Variants in PRIM2 observed in about 807,000 individuals in gnomAD.
PRIM2 encodes the protein DNA primase subunit 2.
A neutral mutation model predicts 67.3 loss-of-function variants in PRIM2; 39 were observed. That is an observed-to-expected ratio of 0.58 (90% confidence interval 0.45 to 0.76). PRIM2 has a LOEUF of 0.76. Ranked by LOEUF, PRIM2 falls within the 30% of genes least tolerant of loss-of-function variation. The pLI, the probability that PRIM2 is intolerant of heterozygous loss-of-function variation, is 0.00. For missense variants in PRIM2, 398 were observed against 598.7 expected (o/e 0.66, Z 3.50); for synonymous variants, 143 against 198.7 (o/e 0.72, Z 2.36).
intron 5 of PRIM2, among the ~76,000 whole-genome samples, chr6:57,358,030 T>A (rs1769090775): frequency 6.6e-6 from 1 of 152,216 alleles, no homozygotes; most frequent in South Asian, 2.1e-4. Flanking sequence ...AGGTACTTAA[T>A]GTATGTTGGT....
intron 10 of PRIM2, among the ~76,000 whole-genome samples, chr6:57,574,973 C>G (rs1266910073): frequency 3.3e-5 from 5 of 152,076 alleles, no homozygotes; most frequent in African/African-American, 9.7e-5. Flanking sequence ...TAGAACTTAA[C>G]AAAATAGACA....
At chr6:57,453,956 A>G (rs746338763) in intron 7 of PRIM2, among the ~76,000 whole-genome samples, 1 of 152,140 alleles carries the variant, frequency 6.6e-6, no homozygotes, top group Non-Finnish European at 1.5e-5. Flanking sequence ...TTTGAGATAC[A>G]TCCCATCAGT....
intron 13 of PRIM2, among the ~76,000 whole-genome samples, chr6:57,640,098 C>T (rs1237571370): frequency 1.4e-4 from 21 of 152,138 alleles, no homozygotes; most frequent in Admixed American, 5.2e-4. Flanking sequence ...AATCAATAAA[C>T]ATAATCCAGT....
chr6:57,607,550 A>G (rs1219251156), intron 12 of PRIM2, among the ~76,000 whole-genome samples: 1 of 152,146 alleles, frequency 6.6e-6, no homozygotes, highest in Non-Finnish European at 1.5e-5. Context: ...CAAATGAAAG[A>G]CTATAGGAGT....
chr6:57,339,701 C>T (rs1253403497), intron 5 of PRIM2, among the ~76,000 whole-genome samples: 4 of 152,052 alleles, frequency 2.6e-5, no homozygotes, highest in Admixed American at 6.5e-5. Context: ...ATACAAAAAT[C>T]AATTCAAGAT....
chr6:57,458,580 G>T (rs1307294328), intron 7 of PRIM2, among the ~76,000 whole-genome samples: 3 of 152,168 alleles, frequency 2.0e-5, no homozygotes, highest in Non-Finnish European at 4.4e-5. Flanking sequence ...AGCTACTCTG[G>T]AGGCTGAGGA....
Position 57,334,886 on chromosome 6 carries a change from GTC to G in PRIM2, c.459+8843_459+8844del, listed in dbSNP as rs1768171122. ...TGGTTTTGGAATAGGAACAGCTCCG[GTC>G]TACAGCTCCCAGCGTGAGCGACACA... On this transcript the variant is annotated intron_variant, in intron 5 of 13. Transcript: ENST00000615550. Among the ~76,000 whole-genome samples, 3 of 152,324 alleles carry G rather than the reference GTC, an allele frequency of 2.0e-5. No homozygotes were observed. The South Asian group carries it at 6.2e-4, about 32-fold the overall frequency.
chr6:57,306,548 T>C, the PRIM2 span, among the ~76,000 whole-genome samples: 6 of 152,138 alleles, frequency 3.9e-5, no homozygotes, highest in African/African-American at 1.2e-4. Context: ...AGGAACTGTA[T>C]TGTCAGGGTT....
chr6:57,226,308 G>A, the PRIM2 span, among the ~76,000 whole-genome samples: 1 of 152,170 alleles, frequency 6.6e-6, no homozygotes, highest in Admixed American at 6.5e-5. Context: ...GAGAACCAAG[G>A]GAAGGCCTTT....
chr6:57,618,377 G>A (rs1248257723), intron 12 of PRIM2, among the ~76,000 whole-genome samples: 2 of 152,224 alleles, frequency 1.3e-5, no homozygotes, highest in African/African-American at 4.8e-5. Context: ...TCCTGACAGA[G>A]CAGCATGTGG....
At chr6:57,233,790 G>A in the PRIM2 span, among the ~76,000 whole-genome samples, 1 of 151,792 alleles carries the variant, frequency 6.6e-6, no homozygotes, top group Admixed American at 6.6e-5. Context: ...TAGTAGCTAG[G>A]ACCACAGGTG....
intron 7 of PRIM2, among the ~76,000 whole-genome samples, chr6:57,411,681 G>A (rs1441660395): frequency 6.6e-6 from 1 of 151,850 alleles, no homozygotes; most frequent in African/African-American, 2.4e-5. Flanking sequence ...TGCATTCCTG[G>A]GATAAACCTA....
chr6:57,452,354 A>G (rs879157802), intron 7 of PRIM2, among the ~76,000 whole-genome samples: 7 of 152,270 alleles, frequency 4.6e-5, no homozygotes, highest in Non-Finnish European at 7.4e-5. Flanking sequence ...CTGAGGAATC[A>G]CCACACTGAC....
chr6:57,542,220 C>T (rs1775175435), intron 10 of PRIM2, among the ~76,000 whole-genome samples: 1 of 152,192 alleles, frequency 6.6e-6, no homozygotes, highest in Admixed American at 6.5e-5. Flanking sequence ...AGGTGATCCA[C>T]CCGCCTTGGC....
At chr6:57,628,147 T>C (rs1306296172) in intron 12 of PRIM2, among the ~76,000 whole-genome samples, 2 of 150,332 alleles carry the variant, frequency 1.3e-5, no homozygotes, top group Middle Eastern at 3.4e-3. Flanking sequence ...GCCACATAAA[T>C]AGCAAGCCAT....
chr6:57,390,750 T>A lies in PRIM2; in HGVS notation c.693+8582T>A, dbSNP rs544977516. On this transcript the variant is annotated intron_variant, in intron 7 of 13. Coordinates refer to ENST00000615550, the MANE Select transcript of PRIM2 (RefSeq NM_000947.5). The stretch of plus-strand genomic sequence containing the variant: ...TTTATGGCTACATAGTATTCCATAA[T>A]GTATGTGTACCACACTTTCTTTATC... 9.3e-4 allele frequency among the ~76,000 whole-genome samples: 142 copies of A among 152,344 alleles called. 2 individuals carry two copies. The East Asian group carries it at 0.025, about 27-fold the overall frequency.
intron 8 of PRIM2, among the ~76,000 whole-genome samples, chr6:57,515,225 C>T (rs1774457724): frequency 6.6e-6 from 1 of 152,174 alleles, no homozygotes; most frequent in South Asian, 2.1e-4. Context: ...TCTACTTAGC[C>T]ATTGCCATTT....
chr6:57,550,557 A>G (rs1161644361), intron 10 of PRIM2, among the ~76,000 whole-genome samples: 2 of 152,214 alleles, frequency 1.3e-5, no homozygotes, highest in African/African-American at 4.8e-5. Context: ...GTTGTACTCC[A>G]AATACTTTTT....
At chr6:57,310,625 C>G (rs979833274), upstream of PRIM2, among the ~76,000 whole-genome samples, 3 of 151,842 alleles carry the variant, frequency 2.0e-5, no homozygotes, top group African/African-American at 7.3e-5. Flanking sequence ...TTCCTCACAT[C>G]CCAGACGGGG....
Sources: gnomAD v4.1 joint callset for allele counts (sites outside exome capture counted in the v4.1 genomes callset) on GRCh38, gnomAD v4.1.1 for gene constraint, MANE v1.5 for transcripts, NCBI Gene and HGNC (gene_info 2026-07-23, HGNC 2026-07-21) for gene names.